The following UPRT variants were observed in gnomAD, a reference collection of about 807,000 sequenced individuals.
UPRT encodes RP11-311P8.3.
In UPRT, 5 loss-of-function variants were observed where a neutral mutation model predicts 22.6. That is an observed-to-expected ratio of 0.22 (90% CI 0.12 to 0.47). The LOEUF (loss-of-function observed/expected upper bound fraction) is 0.47. Among genes scored for constraint, UPRT ranks in the 20% least tolerant of loss-of-function variants. UPRT has a pLI of 0.99. For missense variants in UPRT, 181 were observed against 239.9 expected, an observed-to-expected ratio of 0.75 and a Z score of 1.62; for synonymous variants, 77 against 87.7, an observed-to-expected ratio of 0.88 and a Z score of 0.68.
intron 4 of UPRT, among the ~76,000 whole-genome samples, chrX:75,249,269 G>A (rs770267835): frequency 9.0e-6 from 1 of 111,577 alleles, no homozygotes; most frequent in South Asian, 3.8e-4. Context: ...CTGGCAAATT[G>A]GATAAAGAGT....
intron 4 of UPRT, among the ~76,000 whole-genome samples, chrX:75,192,743 T>G (rs1317492579): frequency 3.6e-5 from 4 of 112,113 alleles, no homozygotes; most frequent in Non-Finnish European, 7.5e-5. Context: ...TTGGTCTTCA[T>G]TAGTTAAAAT....
chrX:75,252,571 G>T (rs1238977900), intron 4 of UPRT, among the ~76,000 whole-genome samples: 1 of 112,183 alleles, frequency 8.9e-6, no homozygotes, highest in Non-Finnish European at 1.9e-5. Flanking sequence ...TGGAGAAATA[G>T]AAACACTTTT....
intron 1 of UPRT, among the ~76,000 whole-genome samples, chrX:75,278,842 T>C (rs1358176114): frequency 1.8e-5 from 2 of 111,316 alleles, no homozygotes; most frequent in Non-Finnish European, 3.8e-5. Flanking sequence ...GTGACTCTCT[T>C]TAGTCACCTG....
At chrX:75,259,126 A>G (rs750395364) in intron 4 of UPRT, among the ~76,000 whole-genome samples, 4 of 111,557 alleles carry the variant, frequency 3.6e-5, no homozygotes, top group Non-Finnish European at 7.5e-5. Context: ...GGTCACCGAC[A>G]TCAAAGACCA....
intron 4 of UPRT, among the ~76,000 whole-genome samples, chrX:75,188,679 C>T (rs776098025): frequency 1.8e-4 from 20 of 112,672 alleles, no homozygotes; most frequent in African/African-American, 5.5e-4. Flanking sequence ...AGCGAGACTT[C>T]GTGGGCGTAG....
At chrX:75,263,472 A>G (rs992254483) in intron 4 of UPRT, among the ~76,000 whole-genome samples, 1 of 111,855 alleles carries the variant, frequency 8.9e-6, no homozygotes, top group African/African-American at 3.2e-5. Context: ...CCAGGAATTT[A>G]TCCATTTCTT....
At chrX:75,204,190 AC>A (rs2147624497) in intron 4 of UPRT, among the ~76,000 whole-genome samples, 1 of 109,321 alleles carries the variant, frequency 9.1e-6, no homozygotes, top group East Asian at 2.9e-4. Context: ...AAGATTAGGG[AC>A]CCTAAGAAAG....
intron 4 of UPRT, among the ~76,000 whole-genome samples, chrX:75,171,455 A>G (rs1399870564): frequency 9.0e-6 from 1 of 110,737 alleles, no homozygotes; most frequent in Non-Finnish European, 1.9e-5. Context: ...TATCTATTTC[A>G]CTGAATATTT....
chrX:75,234,642 C>A (rs937285367), intron 4 of UPRT, among the ~76,000 whole-genome samples: 1 of 111,475 alleles, frequency 9.0e-6, no homozygotes, highest in African/African-American at 3.3e-5. Context: ...TCACTCAAAA[C>A]CACTCAACTA....
chrX:75,232,521 G>C (rs1478566853), intron 4 of UPRT, among the ~76,000 whole-genome samples: 3 of 112,631 alleles, frequency 2.7e-5, no homozygotes, highest in African/African-American at 9.7e-5. Flanking sequence ...AACCTCTGCA[G>C]ACTTAAATGT....
chrX:75,170,503 A>T (rs1312403652), intron 4 of UPRT, among the ~76,000 whole-genome samples: 1 of 112,042 alleles, frequency 8.9e-6, no homozygotes, highest in African/African-American at 3.2e-5. Context: ...GATGGCAGAT[A>T]CTTGGTTGGT....
intron 4 of UPRT, among the ~76,000 whole-genome samples, chrX:75,228,699 C>T (rs963261203): frequency 9.0e-6 from 1 of 111,584 alleles, no homozygotes; most frequent in Non-Finnish European, 1.9e-5. Flanking sequence ...GTAGCCATAA[C>T]CTGGGAACCA....
chrX:75,220,923 T>C (rs928910006), intron 4 of UPRT, among the ~76,000 whole-genome samples: 1 of 111,901 alleles, frequency 8.9e-6, no homozygotes, highest in African/African-American at 3.2e-5. Context: ...TTTTGTACTT[T>C]CAGATGATTT....
At chrX:75,262,563 G>A (rs1022820642) in intron 4 of UPRT, among the ~76,000 whole-genome samples, 2 of 111,201 alleles carry the variant, frequency 1.8e-5, no homozygotes, top group African/African-American at 6.5e-5. Context: ...GACACACAAA[G>A]GCTCAAAATA....
At chrX:75,260,415 A>C (rs1271919786) in intron 4 of UPRT, among the ~76,000 whole-genome samples, 18 of 112,300 alleles carry the variant, frequency 1.6e-4, no homozygotes, top group Non-Finnish European at 3.2e-4. Flanking sequence ...AGATCTACCA[A>C]ACAAATGGAA....
intron 4 of UPRT, among the ~76,000 whole-genome samples, chrX:75,235,936 A>T (rs1272484413): frequency 1.8e-5 from 2 of 111,377 alleles, no homozygotes; most frequent in Non-Finnish European, 3.8e-5. Flanking sequence ...TTGTGTTGGA[A>T]GTTCTGGCCA....
At chrX:75,250,356 C>T (rs1371679907) in intron 4 of UPRT, among the ~76,000 whole-genome samples, 1 of 109,995 alleles carries the variant, frequency 9.1e-6, no homozygotes, top group African/African-American at 3.3e-5. Context: ...CAATTAGATG[C>T]AATAAAAAGT....
At chrX:75,165,018 T>C (rs2082209304) in intron 3 of UPRT, among the ~76,000 whole-genome samples, 1 of 110,720 alleles carries the variant, frequency 9.0e-6, no homozygotes, top group Non-Finnish European at 1.9e-5. Context: ...TATATAACTT[T>C]GCAACCAAGG....
In UPRT at chrX:75,264,401, G is replaced by A. The variant is rs780910093; in HGVS notation, c.-446-26623G>A. ...CTAAGGACTTGCTCTATGAATCTGG[G>A]TGCTCCTGTATTGGGTGCATATATA... On this transcript the variant is annotated intron_variant, in intron 4 of 13. Transcript: ENST00000652605. Among the ~76,000 whole-genome samples, 27 of 111,663 alleles carry A rather than the reference G, an allele frequency of 2.4e-4. No homozygotes were observed. In the South Asian group the frequency reaches 9.9e-3, roughly 41 times the overall value.
Sources: gnomAD v4.1 joint callset for allele counts (sites outside exome capture counted in the v4.1 genomes callset) on GRCh38, gnomAD v4.1.1 for gene constraint, MANE v1.5 for transcripts, NCBI Gene and HGNC (gene_info 2026-07-23, HGNC 2026-07-21) for gene names.